Variants in MAML3 observed in about 807,000 individuals in gnomAD.
The protein encoded by MAML3 is mastermind-like protein 3.
In MAML3, 27 loss-of-function variants were observed where a neutral mutation model predicts 101.9. The observed-to-expected ratio is 0.27, with a 90% confidence interval of 0.20 to 0.37. MAML3 has a LOEUF of 0.37. MAML3 is among the 10% of genes least tolerant of loss of function. The pLI is 1.00. For synonymous variants in MAML3, 501 were observed against 555.9 expected, an observed-to-expected ratio of 0.90 and a Z score of 1.39; for missense variants, 1,316 against 1,444.9, an observed-to-expected ratio of 0.91 and a Z score of 1.45.
intron 2 of MAML3, among the ~76,000 whole-genome samples, chr4:139,824,343 G>A (rs1731024126): frequency 6.6e-6 from 1 of 152,218 alleles, no homozygotes; most frequent in African/African-American, 2.4e-5. Flanking sequence ...GATCTTGAAA[G>A]TGTGCAAGAG....
chr4:140,048,423 C>T (rs938592341), intron 1 of MAML3, among the ~76,000 whole-genome samples: 1 of 152,304 alleles, frequency 6.6e-6, no homozygotes, highest in East Asian at 1.9e-4. Context: ...GGGCATAGAA[C>T]TGAAGAAAGT....
At chr4:139,825,516 G>A (rs1174720989) in intron 2 of MAML3, among the ~76,000 whole-genome samples, 2 of 152,100 alleles carry the variant, frequency 1.3e-5, no homozygotes, top group Non-Finnish European at 2.9e-5. Flanking sequence ...GCCAGATTCC[G>A]TGGCCATGTG....
At chr4:140,134,811 C>T (rs1279778816) in intron 1 of MAML3, among the ~76,000 whole-genome samples, 1 of 152,136 alleles carries the variant, frequency 6.6e-6, no homozygotes, top group Non-Finnish European at 1.5e-5. Flanking sequence ...GTGTGAATAT[C>T]ACCCGTTTTC....
chr4:140,089,578 T>C (rs554582635), intron 1 of MAML3, among the ~76,000 whole-genome samples: 2 of 152,328 alleles, frequency 1.3e-5, no homozygotes, highest in South Asian at 2.1e-4. Flanking sequence ...AAAATAAGCT[T>C]TTTACTGATA....
intron 1 of MAML3, among the ~76,000 whole-genome samples, chr4:139,892,084 C>G (rs915140887): frequency 6.6e-6 from 1 of 152,210 alleles, no homozygotes; most frequent in Non-Finnish European, 1.5e-5. Context: ...CCAAAAGATG[C>G]TCATCTTCCC....
chr4:139,894,124 G>A (rs1010671588), intron 1 of MAML3, among the ~76,000 whole-genome samples: 3 of 152,158 alleles, frequency 2.0e-5, no homozygotes, highest in African/African-American at 7.2e-5. Flanking sequence ...CTCTAGAGGA[G>A]CACCATGGAT....
intron 1 of MAML3, among the ~76,000 whole-genome samples, chr4:140,078,735 T>C (rs1204597966): frequency 1.3e-5 from 2 of 152,176 alleles, no homozygotes; most frequent in African/African-American, 4.8e-5. Context: ...AATTAAGCTT[T>C]GTCTCCAGCT....
At chr4:139,800,884 G>A (rs559400803) in intron 2 of MAML3, among the ~76,000 whole-genome samples, 3 of 152,336 alleles carry the variant, frequency 2.0e-5, no homozygotes, top group African/African-American at 7.2e-5. Flanking sequence ...TGAGCTATCC[G>A]TGATGTTTCT....
intron 2 of MAML3, among the ~76,000 whole-genome samples, chr4:139,755,238 G>A (rs1381463686): frequency 6.6e-6 from 1 of 152,180 alleles, no homozygotes; most frequent in Non-Finnish European, 1.5e-5. Flanking sequence ...AAACGCACTG[G>A]GAATGACATT....
At chr4:139,776,505 G>A (rs185643959) in intron 2 of MAML3, among the ~76,000 whole-genome samples, 3 of 152,210 alleles carry the variant, frequency 2.0e-5, no homozygotes, top group Admixed American at 1.3e-4. Context: ...CAAAGCTCCC[G>A]GCAGCTTTAG....
chr4:139,917,494 G>T (rs1486055957), intron 1 of MAML3, among the ~76,000 whole-genome samples: 5 of 152,164 alleles, frequency 3.3e-5, no homozygotes, highest in Non-Finnish European at 5.9e-5. Context: ...AGGATATTTT[G>T]CTAGAGAAAG....
chr4:139,968,306 T>C (rs891498432), intron 1 of MAML3, among the ~76,000 whole-genome samples: 1 of 130,762 alleles, frequency 7.6e-6, no homozygotes, highest in Admixed American at 7.4e-5. Flanking sequence ...TGAGGCTCTG[T>C]CTTAAAAAAA....
chr4:139,801,878 G>C (rs1190864081), intron 2 of MAML3, among the ~76,000 whole-genome samples: 2 of 152,150 alleles, frequency 1.3e-5, no homozygotes, highest in Admixed American at 6.6e-5. Flanking sequence ...TACAGGGCAG[G>C]CTGCTGTATA....
intron 1 of MAML3, among the ~76,000 whole-genome samples, chr4:140,010,045 A>G (rs1471889550): frequency 6.6e-6 from 1 of 152,226 alleles, no homozygotes; most frequent in East Asian, 1.9e-4. Flanking sequence ...TCCACATCCA[A>G]AAAATTTTGT....
intron 2 of MAML3, among the ~76,000 whole-genome samples, chr4:139,842,067 T>C (rs1731372923): frequency 6.6e-6 from 1 of 152,084 alleles, no homozygotes; most frequent in Non-Finnish European, 1.5e-5. Flanking sequence ...CAATAAAAGG[T>C]CCAGAGTTCA....
intron 1 of MAML3, among the ~76,000 whole-genome samples, chr4:140,024,199 A>C (rs1726783086): frequency 6.6e-6 from 1 of 152,184 alleles, no homozygotes; most frequent in East Asian, 1.9e-4. Flanking sequence ...AGTAGTAAGC[A>C]GCAGAGTCAA....
intron 1 of MAML3, among the ~76,000 whole-genome samples, chr4:140,090,530 T>C (rs989871284): frequency 5.3e-5 from 8 of 152,232 alleles, no homozygotes; most frequent in Admixed American, 3.9e-4. Context: ...AATCCTGTAC[T>C]GGGTTATACT....
At chr4:139,819,416 T>G (rs545202388) in intron 2 of MAML3, among the ~76,000 whole-genome samples, 2 of 152,228 alleles carry the variant, frequency 1.3e-5, no homozygotes, top group Non-Finnish European at 2.9e-5. Context: ...GCTAGTATTT[T>G]GTTCCATAGG....
chr4:139,870,931 T>C (rs1049857824), intron 2 of MAML3, among the ~76,000 whole-genome samples: 1 of 152,216 alleles, frequency 6.6e-6, no homozygotes, highest in Non-Finnish European at 1.5e-5. Context: ...GGAAAAGAAG[T>C]ATCAGTTGTG....
Sources: gnomAD v4.1 joint callset for allele counts (sites outside exome capture counted in the v4.1 genomes callset) on GRCh38, gnomAD v4.1.1 for gene constraint, MANE v1.5 for transcripts, NCBI Gene and HGNC (gene_info 2026-07-23, HGNC 2026-07-21) for gene names.